Variants in OSBPL3 observed in about 807,000 individuals in gnomAD.
The protein encoded by OSBPL3 is oxysterol binding protein like 3.
OSBPL3 carries 65 observed loss-of-function variants against 120.1 expected under a neutral mutation model. The ratio of observed to expected loss-of-function variants is 0.54; its 90% confidence interval spans 0.44 to 0.67. The LOEUF (loss-of-function observed/expected upper bound fraction) is 0.67, where lower values mean the gene tolerates loss of function less well. OSBPL3 is among the 30% of genes least tolerant of loss of function. The pLI, the probability that OSBPL3 is intolerant of heterozygous loss-of-function variation, is 0.00. For synonymous variants in OSBPL3, 416 were observed against 402.6 expected, an observed-to-expected ratio of 1.03 and a Z score of -0.40; for missense variants, 1,004 against 1,082.1, an observed-to-expected ratio of 0.93 and a Z score of 1.01.
intron 1 of OSBPL3, among the ~76,000 whole-genome samples, chr7:24,919,368 C>T (rs1160613342): frequency 6.6e-6 from 1 of 152,032 alleles, no homozygotes; most frequent in Admixed American, 6.6e-5. Context: ...CTTATGGTCA[C>T]TTCATTTTTG....
At position 24,872,166 on chromosome 7, in the gene OSBPL3, G is replaced by A. The variant is rs1379373645; in HGVS notation, c.97-97C>T. On this transcript the variant is annotated intron_variant, in intron 2 of 22. Transcript: ENST00000313367. This position sits in a 1 kb window ranked among gnomAD's most constrained non-coding sequence, Gnocchi z 4.1. ...CCTGTCAGTAAATTTATTCAAGATG[G>A]GGAGGCTGGCTGGGTTTGTTGGGGA... 2.3e-6 allele frequency: 2 copies of A among 879,582 alleles called. No individual in the cohort carries two copies. Among genetic ancestry groups the A allele is most frequent in the Non-Finnish European group, 3.8e-6 (2 of 528,296 alleles). The allele number at this position is 879,582 out of a possible 1,614,324, so 54.5% of individuals were successfully genotyped here. A position where few individuals can be genotyped will look rare whatever the true frequency, so the allele number is the denominator to read the frequency against.
Position 24,841,717 on chromosome 7 carries a change from A to AAAAAAAAAAG in OSBPL3, c.1401+561_1401+562insCTTTTTTTTT, listed in dbSNP as rs70942886. On this transcript the variant is annotated intron_variant, in intron 13 of 22. Transcript: ENST00000313367. ...CTCAAAAAAAAAAAAAAAAAAAAAAAAAAAGAGGCCAGGCACAGTGGCTCA... is the reference window on the plus strand; with the variant it reads ...CTCAAAAAAAAAAAAAAAAAAAAAAAAAAAAAAAAGAAAAGAGGCCAGGCACAGTGGCTCA... 1.9e-3 allele frequency among the ~76,000 whole-genome samples: 161 copies of AAAAAAAAAAG among 82,786 alleles called. 32 individuals carry two copies. Among genetic ancestry groups the AAAAAAAAAAG allele is most frequent in the African/African-American group, 6.4e-3 (132 of 20,768 alleles). The allele number at this position is 82,786 out of a possible 152,430, so 54.3% of individuals were successfully genotyped here. A position where few individuals can be genotyped will look rare whatever the true frequency, so the allele number is the denominator to read the frequency against.
Position 24,806,398 on chromosome 7 carries a change from G to T in OSBPL3, c.2444+378C>A, listed in dbSNP as rs1013557238. On this transcript the variant is annotated intron_variant, in intron 21 of 22. Coordinates refer to ENST00000313367, the MANE Select transcript of OSBPL3 (RefSeq NM_015550.4). This position sits in a 1 kb window ranked among gnomAD's most constrained non-coding sequence, Gnocchi z 5.2. The stretch of plus-strand genomic sequence containing the variant: ...CCATATATCACACACCTTGTGAGCA[G>T]CAACCTAGAATCAGCAGTTAGATCT... Among the ~76,000 whole-genome samples the T allele has an allele frequency of 3.9e-5, 6 of 152,202 alleles. No individual in the cohort carries two copies. Among genetic ancestry groups the T allele is most frequent in the Non-Finnish European group, 5.9e-5 (4 of 68,042 alleles).
At chr7:24,944,962 C>T (rs1330324010) in intron 1 of OSBPL3, among the ~76,000 whole-genome samples, 1 of 152,140 alleles carries the variant, frequency 6.6e-6, no homozygotes, top group Admixed American at 6.5e-5. Flanking sequence ...GATTCCATGA[C>T]TAGATTTTTC....
chr7:24,904,989 G>A (rs1232807289), intron 1 of OSBPL3, among the ~76,000 whole-genome samples: 2 of 148,990 alleles, frequency 1.3e-5, no homozygotes, highest in African/African-American at 4.9e-5. Flanking sequence ...CTAGAACAGT[G>A]TACTGCCAGG....
intron 1 of OSBPL3, among the ~76,000 whole-genome samples, chr7:24,943,168 C>T (rs1813294196): frequency 6.6e-6 from 1 of 152,148 alleles, no homozygotes; most frequent in Non-Finnish European, 1.5e-5. Context: ...TATGGCAGCC[C>T]AGGGGTTCGT....
chr7:24,837,458 C>T (rs1010156440), intron 14 of OSBPL3, among the ~76,000 whole-genome samples: 5 of 152,182 alleles, frequency 3.3e-5, no homozygotes, highest in Non-Finnish European at 1.5e-5. Flanking sequence ...CCTGCCTCAG[C>T]CTCCCAAAGT....
At chr7:24,858,032 T>C (rs569368033) in intron 10 of OSBPL3, among the ~76,000 whole-genome samples, 1 of 152,394 alleles carries the variant, frequency 6.6e-6, no homozygotes, top group South Asian at 2.1e-4. Context: ...ATATATTTCA[T>C]TCTCTGCTTA....
At chr7:24,893,306 G>C (rs1584528882) in intron 1 of OSBPL3, among the ~76,000 whole-genome samples, 1 of 152,292 alleles carries the variant, frequency 6.6e-6, no homozygotes, top group South Asian at 2.1e-4. Flanking sequence ...AAGGGAATGA[G>C]GTACTGATAC....
At chr7:24,850,086 G>A (rs1262407086) in intron 11 of OSBPL3, among the ~76,000 whole-genome samples, 1 of 152,094 alleles carries the variant, frequency 6.6e-6, no homozygotes, top group African/African-American at 2.4e-5. Context: ...TTTCAAAAAA[G>A]AAATGAGTAA....
intron 1 of OSBPL3, among the ~76,000 whole-genome samples, chr7:24,919,328 G>C (rs1351115600): frequency 6.6e-6 from 1 of 152,052 alleles, no homozygotes; most frequent in Non-Finnish European, 1.5e-5. Flanking sequence ...AGTGGAATAA[G>C]ATTGAGAATG....
intron 16 of OSBPL3, among the ~76,000 whole-genome samples, chr7:24,825,447 A>G (rs994254083): frequency 1.3e-5 from 2 of 152,212 alleles, no homozygotes; most frequent in Non-Finnish European, 2.9e-5. Flanking sequence ...AGAGTGAATC[A>G]CTTATCTCAT....
rs936037147 is a variant in OSBPL3 at position 24,900,759 on chromosome 7, C to T, written c.-149-8138G>A. On this transcript the variant is annotated intron_variant, in intron 1 of 22. Coordinates refer to ENST00000313367, the MANE Select transcript of OSBPL3 (RefSeq NM_015550.4). This position sits in a 1 kb window ranked among gnomAD's most constrained non-coding sequence, Gnocchi z 4.5. ...AAGGTAGGTGGATCGCTTGAGCTCA[C>T]GAGTTCAAGACCAGCCTGGGCAACA... Among the ~76,000 whole-genome samples the T allele has an allele frequency of 2.6e-5, 4 of 151,868 alleles. No individual in the cohort carries two copies. The highest frequency in any genetic ancestry group is 2.1e-4 in the South Asian group (1 of 4,800).
chr7:24,888,588 G>C (rs187716736), intron 2 of OSBPL3, among the ~76,000 whole-genome samples: 333 of 152,212 alleles, frequency 2.2e-3, no homozygotes, highest in African/African-American at 7.7e-3. Context: ...CCTCCTCCTA[G>C]GGTTTTCATG....
chr7:24,980,950 T>G (rs1288647114), upstream of OSBPL3, among the ~76,000 whole-genome samples: 1 of 151,974 alleles, frequency 6.6e-6, no homozygotes, highest in Non-Finnish European at 1.5e-5. Context: ...TGCAAGCAGC[T>G]GATGGTTTGG....
rs559314420 is a variant in OSBPL3 at position 24,918,570 on chromosome 7, G to A, written c.-149-25949C>T. On this transcript the variant is annotated intron_variant, in intron 1 of 22. Coordinates refer to ENST00000313367, the MANE Select transcript of OSBPL3 (RefSeq NM_015550.4). The surrounding 1 kb of genome is among the most constrained non-coding windows in gnomAD (Gnocchi z 4.3). ...TATGTGGGCTTACTTAGAAACATAT[G>A]TACAAGCAATTAACTTTATATTTAC... is the stretch of plus-strand genomic sequence containing the variant. 6.6e-6 allele frequency among the ~76,000 whole-genome samples: 1 copy of A among 152,262 alleles called. No individual in the cohort carries two copies. The highest frequency in any genetic ancestry group is 2.1e-4 in the South Asian group (1 of 4,820).
In OSBPL3 at chr7:24,797,505, T is replaced by C. The variant is rs1791846388; in HGVS notation, c.*2678A>G. The C allele has an allele frequency of 6.6e-6, 1 of 152,118 alleles. No homozygotes were observed. Among genetic ancestry groups the C allele is most frequent in the African/African-American group, 2.4e-5 (1 of 41,414 alleles). 9.4% of individuals were successfully genotyped at this position (152,118 alleles called of 1,614,324 possible). A position where few individuals can be genotyped will look rare whatever the true frequency, so the allele number is the denominator to read the frequency against. On this transcript the variant is annotated 3_prime_UTR_variant, in exon 23 of 23. Transcript: ENST00000313367. The surrounding 1 kb of genome is among the most constrained non-coding windows in gnomAD (Gnocchi z 4.8). ...TTGAGGCTTTTATTATTAATACCTATGACTCAAGGAATACCAGCCTTGGGG... is the reference window on the plus strand; with the variant it reads ...TTGAGGCTTTTATTATTAATACCTACGACTCAAGGAATACCAGCCTTGGGG...
chr7:24,828,530 C>T (rs577726298), intron 16 of OSBPL3, among the ~76,000 whole-genome samples: 12 of 142,080 alleles, frequency 8.4e-5, no homozygotes, highest in African/African-American at 2.9e-4. Flanking sequence ...ATCACTTGAA[C>T]TGGGAGGCAG....
chr7:24,977,918 T>G (rs1055283262), intron 1 of OSBPL3, among the ~76,000 whole-genome samples: 2 of 152,246 alleles, frequency 1.3e-5, no homozygotes, highest in African/African-American at 4.8e-5. Flanking sequence ...TGGCTTATGA[T>G]GTAACTATTA....
Sources: gnomAD v4.1 joint callset for allele counts (sites outside exome capture counted in the v4.1 genomes callset) on GRCh38, gnomAD v4.1.1 for gene constraint, Gnocchi (gnomAD v3.1) non-coding constraint, MANE v1.5 for transcripts, NCBI Gene and HGNC (gene_info 2026-07-23, HGNC 2026-07-21) for gene names.